The following PACSIN1 variants were observed in gnomAD, a reference collection of about 807,000 sequenced individuals.
PACSIN1 encodes the protein protein kinase C and casein kinase substrate in neurons 1.
PACSIN1 carries 15 observed loss-of-function variants against 59.5 expected under a neutral mutation model. That is an observed-to-expected ratio of 0.25 (90% CI 0.17 to 0.39). PACSIN1 has a LOEUF of 0.39. Among genes scored for constraint, PACSIN1 ranks in the 10% least tolerant of loss-of-function variants. The pLI is 1.00. For synonymous variants in PACSIN1, 210 were observed against 220.6 expected, an observed-to-expected ratio of 0.95 and a Z score of 0.42; for missense variants, 420 against 580.2, an observed-to-expected ratio of 0.72 and a Z score of 2.84.
rs567100395 is a variant in PACSIN1 at position 34,516,415 on chromosome 6, C to T, written c.-63-9828C>T. The stretch of plus-strand genomic sequence containing the variant: ...GGATGGCAGAAACGGGATGCAGATT[C>T]GCCTGTGCGCACTGACACTGCCTGC... On this transcript the variant is annotated intron_variant, in intron 1 of 9. Transcript: ENST00000244458. The surrounding 1 kb of genome is among the most constrained non-coding windows in gnomAD (Gnocchi z 5.4). 1.3e-5 allele frequency among the ~76,000 whole-genome samples: 2 copies of T among 152,322 alleles called. No homozygotes were observed. The highest frequency in any genetic ancestry group is 4.8e-5 in the African/African-American group (2 of 41,570).
rs1490939597 is a variant in PACSIN1 at position 34,530,531 on chromosome 6, G to A, written c.981G>A (p.Ala327=). ...EKQPKKAEGV[A]LTNATGAVES... is the part of the protein sequence containing the mutation. Reference sequence around the variant, plus strand: ...AGCCTAAGAAGGCAGAGGGAGTGGCGCTGACCAATGCCACTGGGGCGGTAG... The same window carrying A: ...AGCCTAAGAAGGCAGAGGGAGTGGCACTGACCAATGCCACTGGGGCGGTAG... The change falls in exon 8 of 10, where the codon GCG becomes GCA. Residue 327 remains alanine, a synonymous_variant. Transcript: ENST00000244458. This position sits in a 1 kb window ranked among gnomAD's most constrained non-coding sequence, Gnocchi z 4.4. 5.0e-6 allele frequency: 8 copies of A among 1,608,940 alleles called. No homozygotes were observed. Among genetic ancestry groups the A allele is most frequent in the East Asian group, 2.2e-5 (1 of 44,820 alleles).
At chr6:34,506,745 C>T (rs1289403282) in intron 1 of PACSIN1, among the ~76,000 whole-genome samples, 3 of 152,262 alleles carry the variant, frequency 2.0e-5, no homozygotes, top group African/African-American at 7.2e-5. Flanking sequence ...TGATCCCTCC[C>T]TGCGTGGGAA....
Position 34,520,288 on chromosome 6 carries a change from C to T in PACSIN1, c.-63-5955C>T, listed in dbSNP as rs956758818. ...CCTGTCGGTCTATCTCTGGGTAAGG[C>T]GAGGAGTGGGTTGGGGGGCACTGCT... On this transcript the variant is annotated intron_variant, in intron 1 of 9. Transcript: ENST00000244458. Among the ~76,000 whole-genome samples the T allele has an allele frequency of 5.9e-5, 9 of 152,120 alleles. No individual in the cohort carries two copies. In the South Asian group the frequency reaches 1.2e-3, roughly 21 times the overall value.
chr6:34,504,138 TGAAGTGCA>T (rs1767068026), intron 1 of PACSIN1, among the ~76,000 whole-genome samples: 1 of 152,132 alleles, frequency 6.6e-6, no homozygotes. Flanking sequence ...CCAGTTCAAG[TGAAGTGCA>T]GAAAACTTAC....
chr6:34,527,826 T>G (rs1482551899), intron 3 of PACSIN1: 2 of 191,122 alleles, frequency 1.0e-5, no homozygotes. Flanking sequence ...ATATGCATAT[T>G]TTCTGAACCA....
intron 1 of PACSIN1, among the ~76,000 whole-genome samples, chr6:34,472,453 G>A (rs986511482): frequency 1.3e-5 from 2 of 152,072 alleles, no homozygotes; most frequent in African/African-American, 4.8e-5. Context: ...GGGAGAATGC[G>A]TCCTCTTTAT....
chr6:34,491,615 C>CT (rs571524378), intron 1 of PACSIN1, among the ~76,000 whole-genome samples: 2,840 of 144,012 alleles, frequency 0.02, 54 homozygotes, highest in African/African-American at 0.052. Context: ...ATTTTCTTTT[C>CT]TTTTTTTTTT....
chr6:34,508,086 G>A (rs1321459136), intron 1 of PACSIN1, among the ~76,000 whole-genome samples: 3 of 144,650 alleles, frequency 2.1e-5, no homozygotes, highest in Non-Finnish European at 4.6e-5. Context: ...TTGATGGATC[G>A]TATGGTAGTT....
rs75050224 is a variant in PACSIN1 at position 34,514,275 on chromosome 6, G to T, written c.-63-11968G>T. On this transcript the variant is annotated intron_variant, in intron 1 of 9. Coordinates refer to ENST00000244458, the MANE Select transcript of PACSIN1 (RefSeq NM_020804.5). The surrounding 1 kb of genome is among the most constrained non-coding windows in gnomAD (Gnocchi z 4.4). ...GAAGTGTCGGAACTGGCATCACAAG[G>T]TCTCGGTGCCGACAGCTAGCCCAGG... 4.5e-3 allele frequency among the ~76,000 whole-genome samples: 679 copies of T among 152,126 alleles called. 3 individuals carry two copies. Among genetic ancestry groups the T allele is most frequent in the African/African-American group, 0.015 (625 of 41,474 alleles).
intron 1 of PACSIN1, among the ~76,000 whole-genome samples, chr6:34,522,992 G>T (rs973463926): frequency 6.6e-6 from 1 of 152,156 alleles, no homozygotes; most frequent in Non-Finnish European, 1.5e-5. Flanking sequence ...TTGCAAAGCC[G>T]GCCTCTTCCC....
chr6:34,469,780 C>G (rs887146044), intron 1 of PACSIN1, among the ~76,000 whole-genome samples: 1 of 152,182 alleles, frequency 6.6e-6, no homozygotes, highest in African/African-American at 2.4e-5. Flanking sequence ...TGTTCACCAC[C>G]AGGAAAGATG....
chr6:34,527,491 G>A lies in PACSIN1; in HGVS notation c.220+3G>A. On this transcript the variant is annotated splice_donor_region_variant and intron_variant, in intron 3 of 9. Transcript: ENST00000244458. Reference sequence around the variant, plus strand: ...TTGGCGCCAGCTCATCGAGAAAGGTGCTCCCCCAGGCTCACATCGTGCGCG... The same window carrying A: ...TTGGCGCCAGCTCATCGAGAAAGGTACTCCCCCAGGCTCACATCGTGCGCG... The A allele has an allele frequency of 6.3e-7, 1 of 1,583,914 alleles. No individual in the cohort carries two copies. Among genetic ancestry groups the A allele is most frequent in the Admixed American group, 1.8e-5 (1 of 55,646 alleles).
intron 1 of PACSIN1, among the ~76,000 whole-genome samples, chr6:34,491,240 C>A (rs1006142697): frequency 6.6e-6 from 1 of 152,204 alleles, no homozygotes; most frequent in Non-Finnish European, 1.5e-5. Context: ...ATGAGTCACA[C>A]TCAGCCTTGC....
At chr6:34,494,651 C>T (rs549445252) in intron 1 of PACSIN1, among the ~76,000 whole-genome samples, 17 of 152,038 alleles carry the variant, frequency 1.1e-4, no homozygotes, top group Non-Finnish European at 2.2e-4. Context: ...GCTGTGTTGC[C>T]CGGGCTGCTC....
rs1767590155 is a variant in PACSIN1, at chr6:34,531,362, C to G, written c.1038-238C>G. On this transcript the variant is annotated intron_variant, in intron 8 of 9. Transcript: ENST00000244458. This position sits in a 1 kb window ranked among gnomAD's most constrained non-coding sequence, Gnocchi z 4.4. ...GTACTCCTCCTCCCGGATGAAGGCTCAGATGTGCCCTGGGGTCCCCTTCAA... is the reference window on the plus strand; with the variant it reads ...GTACTCCTCCTCCCGGATGAAGGCTGAGATGTGCCCTGGGGTCCCCTTCAA... Among the ~76,000 whole-genome samples the G allele has an allele frequency of 6.6e-6, 1 of 152,182 alleles. No homozygotes were observed. Among genetic ancestry groups the G allele is most frequent in the African/African-American group, 2.4e-5 (1 of 41,438 alleles).
In PACSIN1 at chr6:34,483,904, C is replaced by T. The variant is rs555944573; in HGVS notation, c.-64+17634C>T. Among the ~76,000 whole-genome samples the T allele has an allele frequency of 7.2e-5, 11 of 152,188 alleles. No individual in the cohort carries two copies. In the East Asian group the frequency reaches 1.4e-3, roughly 19 times the overall value. On this transcript the variant is annotated intron_variant, in intron 1 of 9. Transcript: ENST00000244458. ...CCTCAGGTGATCCACCTGCCTCGGC[C>T]TCCCAAAGTGTTGGGATTACAGGTG...
intron 1 of PACSIN1, among the ~76,000 whole-genome samples, chr6:34,481,468 G>A (rs59683060): frequency 3.3e-5 from 5 of 152,056 alleles, no homozygotes; most frequent in African/African-American, 7.2e-5. Context: ...GGATCACGAG[G>A]TCAGGAGATT....
chr6:34,479,599 C>T (rs1387621140), intron 1 of PACSIN1, among the ~76,000 whole-genome samples: 1 of 151,874 alleles, frequency 6.6e-6, no homozygotes, highest in Non-Finnish European at 1.5e-5. Context: ...CCATGCCCAG[C>T]TATCTTTTAA....
chr6:34,498,769 C>T (rs1427831068), intron 1 of PACSIN1, among the ~76,000 whole-genome samples: 1 of 146,942 alleles, frequency 6.8e-6, no homozygotes, highest in Non-Finnish European at 1.5e-5. Flanking sequence ...TGCACCCCAG[C>T]CTAGGCCACA....
Sources: gnomAD v4.1 joint callset for allele counts (sites outside exome capture counted in the v4.1 genomes callset) on GRCh38, gnomAD v4.1.1 for gene constraint, Gnocchi (gnomAD v3.1) non-coding constraint, MANE v1.5 for transcripts, NCBI Gene and HGNC (gene_info 2026-07-23, HGNC 2026-07-21) for gene names.